The following HYDIN variants were observed in gnomAD, a reference collection of about 807,000 sequenced individuals.
The protein encoded by HYDIN is axonemal central pair apparatus protein HYDIN.
Under a neutral mutation model 403.9 loss-of-function variants are expected in HYDIN, and 132 were observed. The observed-to-expected ratio is 0.33, with a 90% confidence interval of 0.28 to 0.38. The LOEUF (loss-of-function observed/expected upper bound fraction) is 0.38, where lower values mean the gene tolerates loss of function less well. HYDIN is among the 10% of genes least tolerant of loss of function. The pLI, the probability that HYDIN is intolerant of heterozygous loss-of-function variation, is 1.00. For synonymous variants in HYDIN, 1,202 were observed against 1,891.7 expected (o/e 0.64, Z 9.46); for missense variants, 2,827 against 5,009.5 (o/e 0.56, Z 13.15).
intron 1 of HYDIN, among the ~76,000 whole-genome samples, chr16:71,222,396 G>C (rs985694138): frequency 6.6e-6 from 1 of 152,052 alleles, no homozygotes; most frequent in African/African-American, 2.4e-5. Flanking sequence ...ATGCAGAAAA[G>C]TTGAAAGCCT....
intron 45 of HYDIN, chr16:70,933,695 G>A (rs1304292366): frequency 6.5e-6 from 1 of 154,826 alleles, no homozygotes; most frequent in Non-Finnish European, 1.5e-5. Flanking sequence ...CCAGCAGGGA[G>A]TGTCACATAG....
intron 10 of HYDIN, among the ~76,000 whole-genome samples, chr16:71,106,576 A>AAG (rs1437018733): frequency 6.6e-6 from 1 of 152,158 alleles, no homozygotes; most frequent in Non-Finnish European, 1.5e-5. Flanking sequence ...TTCAAAAGAA[A>AAG]AGAGGATTGC....
rs1382753569 is a variant in HYDIN, at chr16:70,962,501, G to A, written c.5789-363C>T. Among the ~76,000 whole-genome samples the A allele has an allele frequency of 2.0e-5, 3 of 152,340 alleles. No homozygotes were observed. The East Asian group carries it at 5.8e-4, about 29-fold the overall frequency. On this transcript the variant is annotated intron_variant, in intron 37 of 85. Transcript: ENST00000393567. ...AATTTTATCATACCAGCACAGGAGA[G>A]CTGCAACCTCTCAGATTTTTAATTT...
intron 23 of HYDIN, among the ~76,000 whole-genome samples, chr16:70,999,912 TA>T (rs2079648053): frequency 6.6e-6 from 1 of 152,200 alleles, no homozygotes. Context: ...GATTTCTGTG[TA>T]AAAAGGCCAC....
At chr16:71,032,125 T>C (rs1188844962) in intron 18 of HYDIN, among the ~76,000 whole-genome samples, 1 of 151,980 alleles carries the variant, frequency 6.6e-6, no homozygotes, top group Admixed American at 6.6e-5. Context: ...CCTACGATTT[T>C]ACTTTTGAAT....
chr16:71,200,141 C>T (rs150319109), intron 1 of HYDIN, among the ~76,000 whole-genome samples: 113 of 152,264 alleles, frequency 7.4e-4, no homozygotes, highest in Admixed American at 2.1e-3. Flanking sequence ...AGGAAGTTAC[C>T]GTATATGGTC....
At chr16:70,945,020 T>C (rs542639823) in intron 41 of HYDIN, among the ~76,000 whole-genome samples, 2 of 152,356 alleles carry the variant, frequency 1.3e-5, no homozygotes, top group African/African-American at 2.4e-5. Context: ...CCCAAAGTGC[T>C]GGGATTACAG....
intron 60 of HYDIN, among the ~76,000 whole-genome samples, chr16:70,881,224 C>CAA (rs58562653): frequency 2.5e-4 from 14 of 56,864 alleles, no homozygotes; most frequent in African/African-American, 6.0e-4. Context: ...GAGACTGTCT[C>CAA]AAAAAAAAAA....
chr16:70,896,467 C>T (rs56212732), intron 53 of HYDIN, among the ~76,000 whole-genome samples: 8,140 of 152,176 alleles, frequency 0.053, 362 homozygotes, highest in Non-Finnish European at 0.08. Flanking sequence ...ATCCTCCCAT[C>T]TCAGCCTCCC....
chr16:70,864,354 A>C (rs2039605893), intron 67 of HYDIN, among the ~76,000 whole-genome samples: 2 of 75,620 alleles, frequency 2.6e-5, no homozygotes, highest in African/African-American at 2.4e-4. Flanking sequence ...AAAAAAAAAA[A>C]AAAAAAAAAA....
At chr16:71,177,419 C>A (rs1303586567) in intron 4 of HYDIN, among the ~76,000 whole-genome samples, 3 of 152,316 alleles carry the variant, frequency 2.0e-5, no homozygotes, top group East Asian at 3.9e-4. Context: ...GGAACACAAT[C>A]TTGTGTACCT....
At chr16:70,834,904 A>G (rs1410043511) in intron 78 of HYDIN, among the ~76,000 whole-genome samples, 1 of 149,602 alleles carries the variant, frequency 6.7e-6, no homozygotes, top group Non-Finnish European at 1.5e-5. Flanking sequence ...ATATATATAC[A>G]CACACACATA....
chr16:71,120,104 T>C (rs2084202097), intron 9 of HYDIN, among the ~76,000 whole-genome samples: 1 of 152,092 alleles, frequency 6.6e-6, no homozygotes, highest in Non-Finnish European at 1.5e-5. Flanking sequence ...CTTCTACATG[T>C]GACCCCTCTC....
At chr16:70,872,566 C>A (rs923512759) in intron 64 of HYDIN, among the ~76,000 whole-genome samples, 1 of 149,024 alleles carries the variant, frequency 6.7e-6, no homozygotes, top group Non-Finnish European at 1.5e-5. Context: ...CACCCTCCCC[C>A]ATCCTGCCAT....
At position 70,860,181 on chromosome 16, in the gene HYDIN, T is replaced by C. The variant is rs533281527; in HGVS notation, c.12016A>G (p.Asn4006Asp). Residue 4006 changes from asparagine (N) to aspartate (D), a missense_variant, in exon 71 of 86, where the codon AAT becomes GAT. Asn to Asp is a conservative substitution (Grantham distance 23, BLOSUM62 1). Coordinates refer to ENST00000393567, the MANE Select transcript of HYDIN (RefSeq NM_001270974.2). ...ATCCAGCAGAAGGAGTAGGTGCTAT[T>C]GGTTGGGTTTAGGATGGTAAAGGTC... ...LRTFTILNPTNSTYSFCWISE... is the reference protein window; with the variant it reads ...LRTFTILNPTDSTYSFCWISE... 112 of 1,614,156 alleles carry C rather than the reference T, an allele frequency of 6.9e-5. No homozygotes were observed. The Admixed American group carries it at 1.7e-3, about 24-fold the overall frequency.
At chr16:71,058,886 G>C (rs2081989458) in intron 18 of HYDIN, among the ~76,000 whole-genome samples, 1 of 151,960 alleles carries the variant, frequency 6.6e-6, no homozygotes, top group Non-Finnish European at 1.5e-5. Context: ...ATGTGAAGAT[G>C]ATGAGGATGA....
intron 1 of HYDIN, among the ~76,000 whole-genome samples, chr16:71,216,417 G>T (rs767398581): frequency 2.6e-5 from 4 of 152,106 alleles, no homozygotes; most frequent in Non-Finnish European, 4.4e-5. Context: ...ACTGAACTAC[G>T]TTTCTAGGAA....
intron 16 of HYDIN, among the ~76,000 whole-genome samples, chr16:71,063,668 G>T (rs1216977721): frequency 3.3e-5 from 5 of 152,170 alleles, no homozygotes; most frequent in Non-Finnish European, 5.9e-5. Flanking sequence ...CTGTCTCAGA[G>T]AAACCCATAG....
At chr16:70,996,266 C>A (rs1221982436) in intron 23 of HYDIN, among the ~76,000 whole-genome samples, 1 of 152,228 alleles carries the variant, frequency 6.6e-6, no homozygotes, top group Non-Finnish European at 1.5e-5. Context: ...TCAAGAACCA[C>A]ACTCTCGGGC....
Sources: gnomAD v4.1 joint callset for allele counts (sites outside exome capture counted in the v4.1 genomes callset) on GRCh38, gnomAD v4.1.1 for gene constraint, MANE v1.5 for transcripts, NCBI Gene and HGNC (gene_info 2026-07-23, HGNC 2026-07-21) for gene names.